Variants in ADCY5 observed in about 807,000 individuals in gnomAD.
The protein encoded by ADCY5 is adenylate cyclase type 5.
ADCY5 carries 30 observed loss-of-function variants against 119.7 expected under a neutral mutation model. That is an observed-to-expected ratio of 0.25 (90% CI 0.19 to 0.34). ADCY5 has a LOEUF of 0.34. ADCY5 is among the 10% of genes least tolerant of loss of function. The pLI is 1.00. For synonymous variants in ADCY5, 753 were observed against 762.2 expected (o/e 0.99, Z 0.20); for missense variants, 1,324 against 1,775.2 (o/e 0.75, Z 4.57).
At chr3:123,331,303 G>A (rs1172202979) in intron 4 of ADCY5, among the ~76,000 whole-genome samples, 1 of 152,216 alleles carries the variant, frequency 6.6e-6, no homozygotes, top group Non-Finnish European at 1.5e-5. Flanking sequence ...AGCCCCAAGA[G>A]GAATTTGGCT....
intron 14 of ADCY5, among the ~76,000 whole-genome samples, chr3:123,301,144 ACGT>A (rs200576170): frequency 0.035 from 5,362 of 152,094 alleles, 326 homozygotes; most frequent in African/African-American, 0.12. Flanking sequence ...GATGCAGATG[ACGT>A]CCCTAGGCAC....
chr3:123,416,327 C>T, intron 1 of ADCY5: 6 of 1,534,726 alleles, frequency 3.9e-6, no homozygotes, highest in Non-Finnish European at 5.2e-6. Flanking sequence ...TAACCTCCTT[C>T]CCTAGGACAT....
chr3:123,325,228 T>C (rs1398752531), intron 8 of ADCY5, 94 bp downstream of exon 8: 4 of 1,486,788 alleles, frequency 2.7e-6, no homozygotes, highest in African/African-American at 1.4e-5. Flanking sequence ...CAGATTCCCT[T>C]GGGCAACACG....
intron 1 of ADCY5, chr3:123,404,686 A>C (rs1030541845): frequency 6.6e-6 from 1 of 152,226 alleles, no homozygotes; most frequent in Non-Finnish European, 1.5e-5. Flanking sequence ...TCCCAGCCGC[A>C]GGGGCTCTGA....
Position 123,286,172 on chromosome 3 carries a change from A to G in ADCY5, c.3657+513T>C, listed in dbSNP as rs1938744704. Reference sequence around the variant, plus strand: ...CAGCAGGCCGGGAAACCACAAGCCCAGCTCGCAAAGGAGGGAGCAAGGGGA... The same window carrying G: ...CAGCAGGCCGGGAAACCACAAGCCCGGCTCGCAAAGGAGGGAGCAAGGGGA... On this transcript the variant is annotated intron_variant, in intron 20 of 20. Coordinates refer to ENST00000462833, the MANE Select transcript of ADCY5 (RefSeq NM_183357.3). The surrounding 1 kb of genome is among the most constrained non-coding windows in gnomAD (Gnocchi z 4.2). Among the ~76,000 whole-genome samples, 2 of 152,204 alleles carry G rather than the reference A, an allele frequency of 1.3e-5. No homozygotes were observed. Among genetic ancestry groups the G allele is most frequent in the Non-Finnish European group, 2.9e-5 (2 of 68,026 alleles).
At chr3:123,323,286 G>A (rs1484902008) in intron 8 of ADCY5, among the ~76,000 whole-genome samples, 10 of 152,138 alleles carry the variant, frequency 6.6e-5, no homozygotes, top group Non-Finnish European at 2.9e-5. Context: ...CCCCATGACA[G>A]TCCTGACTGC....
intron 2 of ADCY5, among the ~76,000 whole-genome samples, chr3:123,348,172 G>A (rs907124244): frequency 5.3e-5 from 8 of 151,980 alleles, no homozygotes; most frequent in South Asian, 2.1e-4. Flanking sequence ...GGGCAAAAGC[G>A]CTCCTGGTGA....
intron 1 of ADCY5, among the ~76,000 whole-genome samples, chr3:123,442,764 C>T (rs1320092744): frequency 1.3e-5 from 2 of 152,138 alleles, no homozygotes; most frequent in Admixed American, 1.3e-4. Flanking sequence ...ATCTAGAAGA[C>T]GACCCCCACC....
intron 1 of ADCY5, among the ~76,000 whole-genome samples, chr3:123,382,486 A>G (rs1337804060): frequency 1.3e-5 from 2 of 152,384 alleles, no homozygotes; most frequent in East Asian, 3.9e-4. Flanking sequence ...TCCCAGCAGC[A>G]CTATTCACAA....
intron 12 of ADCY5, 118 bp from the exon 13 acceptor site, chr3:123,304,301 C>A (rs1940078614): frequency 2.9e-6 from 2 of 693,674 alleles, no homozygotes; most frequent in Non-Finnish European, 5.2e-6. Flanking sequence ...CCCAGCATGA[C>A]CCCTGGGCCT....
chr3:123,350,346 G>A (rs1025002074), intron 2 of ADCY5, among the ~76,000 whole-genome samples: 15 of 152,214 alleles, frequency 9.9e-5, no homozygotes, highest in African/African-American at 2.9e-4. Context: ...AGTGAAGGGC[G>A]GTGTTCTCTG....
At chr3:123,378,510 A>AGAGGGACAGACGGAGG (rs2107550880) in intron 1 of ADCY5, among the ~76,000 whole-genome samples, 1 of 152,300 alleles carries the variant, frequency 6.6e-6, no homozygotes, top group Non-Finnish European at 1.5e-5. Context: ...GAGTGAAGGG[A>AGAGGGACAGACGGAGG]GAGGGACAGA....
At chr3:123,389,787 T>C (rs1944348647) in intron 1 of ADCY5, among the ~76,000 whole-genome samples, 2 of 152,298 alleles carry the variant, frequency 1.3e-5, no homozygotes, top group African/African-American at 4.8e-5. Flanking sequence ...TAGGACAAAC[T>C]CCAGCCTGAA....
At chr3:123,346,128 C>G (rs55848018) in intron 3 of ADCY5, among the ~76,000 whole-genome samples, 4,687 of 152,338 alleles carry the variant, frequency 0.031, 116 homozygotes, top group Admixed American at 0.048. Context: ...GCAAGCTCTG[C>G]GTAGGTGTGA....
At chr3:123,376,886 C>G (rs1943854248) in intron 1 of ADCY5, among the ~76,000 whole-genome samples, 1 of 152,216 alleles carries the variant, frequency 6.6e-6, no homozygotes, top group Admixed American at 6.5e-5. Context: ...CTTCCAAGAA[C>G]TAGGTTTTGT....
intron 1 of ADCY5, among the ~76,000 whole-genome samples, chr3:123,436,369 T>G (rs1160491360): frequency 4.0e-5 from 6 of 151,836 alleles, no homozygotes; most frequent in Non-Finnish European, 8.8e-5. Context: ...TAAGACCTTG[T>G]CTCAAAGCAA....
At chr3:123,341,666 A>C (rs1317481250) in intron 3 of ADCY5, among the ~76,000 whole-genome samples, 1 of 152,162 alleles carries the variant, frequency 6.6e-6, no homozygotes, top group Non-Finnish European at 1.5e-5. Flanking sequence ...CACAACTAAA[A>C]TAATCCATTA....
chr3:123,405,171 C>T (rs921024499), intron 1 of ADCY5, among the ~76,000 whole-genome samples: 17 of 152,236 alleles, frequency 1.1e-4, no homozygotes, highest in African/African-American at 3.9e-4. Flanking sequence ...CGAAGGCCGG[C>T]GAGGCCAAGC....
intron 1 of ADCY5, among the ~76,000 whole-genome samples, chr3:123,387,998 AG>A (rs1459296500): frequency 2.0e-5 from 3 of 152,210 alleles, no homozygotes; most frequent in Non-Finnish European, 4.4e-5. Flanking sequence ...TGAGTAGCAA[AG>A]GGGGACAAGA....
Sources: gnomAD v4.1 joint callset for allele counts (sites outside exome capture counted in the v4.1 genomes callset) on GRCh38, gnomAD v4.1.1 for gene constraint, Gnocchi (gnomAD v3.1) non-coding constraint, MANE v1.5 for transcripts, NCBI Gene and HGNC (gene_info 2026-07-23, HGNC 2026-07-21) for gene names.